NUDCD1: variants seen among roughly 807,000 people sequenced by gnomAD.
The protein encoded by NUDCD1 is NudC domain containing 1, also known as nudC domain-containing protein 1.
In NUDCD1, 60 loss-of-function variants were observed where a neutral mutation model predicts 67.8. The ratio of observed to expected loss-of-function variants is 0.88; its 90% CI spans 0.72 to 1.10. The LOEUF is 1.10. Ranked by LOEUF, NUDCD1 falls within the 50% of genes least tolerant of loss-of-function variation. The pLI is 0.00. For synonymous variants in NUDCD1, 244 were observed against 230.8 expected (o/e 1.06, Z -0.52); for missense variants, 643 against 695.0 (o/e 0.93, Z 0.84).
chr8:109,297,555 C>T (rs1251880588), intron 2 of NUDCD1, among the ~76,000 whole-genome samples: 3 of 152,072 alleles, frequency 2.0e-5, no homozygotes, highest in Non-Finnish European at 2.9e-5. Flanking sequence ...CATGTGAGGA[C>T]GTATTATGCC....
Position 109,242,832 on chromosome 8 carries a change from T to C in NUDCD1, c.*177A>G. ...ATGTTCTCTAAATCTGCAGCTTCAT[T>C]CCACAGCTTTACAGAATCATAATCT... is the stretch of plus-strand genomic sequence containing the variant. On this transcript the variant is annotated 3_prime_UTR_variant, in exon 10 of 10. Transcript: ENST00000239690. 1 of 400,512 alleles carries C rather than the reference T, an allele frequency of 2.5e-6. No individual in the cohort carries two copies. Among genetic ancestry groups the C allele is most frequent in the South Asian group, 6.7e-5 (1 of 14,930 alleles). 24.8% of individuals were successfully genotyped at this position (400,512 alleles called of 1,614,324 possible). A position where few individuals can be genotyped will look rare whatever the true frequency, so the allele number is the denominator to read the frequency against.
chr8:109,298,693 C>T (rs1270216221), intron 2 of NUDCD1: 4 of 152,094 alleles, frequency 2.6e-5, no homozygotes, highest in Non-Finnish European at 5.9e-5. Flanking sequence ...GCCCTTAAAA[C>T]TTAACAAGAA....
At chr8:109,261,169 C>T (rs767020378) in intron 8 of NUDCD1, among the ~76,000 whole-genome samples, 1 of 152,074 alleles carries the variant, frequency 6.6e-6, no homozygotes, top group Non-Finnish European at 1.5e-5. Flanking sequence ...GCCTATATGA[C>T]AGCATGCAAT....
At chr8:109,247,762 G>A (rs562063018) in intron 8 of NUDCD1, among the ~76,000 whole-genome samples, 5 of 152,094 alleles carry the variant, frequency 3.3e-5, no homozygotes, top group South Asian at 2.1e-4. Flanking sequence ...CCCCACTCTC[G>A]TGGTTATATG....
chr8:109,279,789 G>A (rs1038335132), intron 6 of NUDCD1, among the ~76,000 whole-genome samples: 8 of 151,952 alleles, frequency 5.3e-5, no homozygotes, highest in East Asian at 1.9e-4. Flanking sequence ...CCGCCACCAC[G>A]CCCAGCTAAT....
chr8:109,299,078 G>A (rs1030270299), intron 2 of NUDCD1: 1 of 152,494 alleles, frequency 6.6e-6, no homozygotes, highest in African/African-American at 2.4e-5. Context: ...CAGGGGTAGA[G>A]GAAGCAGCAG....
chr8:109,249,374 T>C (rs1393153305), intron 8 of NUDCD1, among the ~76,000 whole-genome samples: 1 of 152,200 alleles, frequency 6.6e-6, no homozygotes, highest in East Asian at 1.9e-4. Flanking sequence ...TCAAGTAATC[T>C]TCCCGTAGCT....
At chr8:109,282,818 A>G (rs1432554600) in intron 5 of NUDCD1, among the ~76,000 whole-genome samples, 2 of 150,928 alleles carry the variant, frequency 1.3e-5, no homozygotes, top group African/African-American at 5.0e-5. Context: ...GTATCCCAGA[A>G]CTTAAAAGTA....
intron 2 of NUDCD1, among the ~76,000 whole-genome samples, chr8:109,306,890 C>G (rs905449995): frequency 1.3e-5 from 2 of 152,162 alleles, no homozygotes; most frequent in Non-Finnish European, 2.9e-5. Context: ...ACTCTATGTT[C>G]CCATGCTGCC....
intron 7 of NUDCD1, 35 bp downstream of exon 7, chr8:109,275,317 C>T: frequency 6.3e-7 from 1 of 1,586,448 alleles, no homozygotes; most frequent in East Asian, 2.2e-5. Flanking sequence ...ATTTTTGGAC[C>T]CTTGGAAAGT....
At position 109,333,877 on chromosome 8, in the gene NUDCD1, C is replaced by A; in HGVS notation, c.118+16G>T. On this transcript the variant is annotated intron_variant, in intron 1 of 9. Coordinates refer to ENST00000239690, the MANE Select transcript of NUDCD1 (RefSeq NM_032869.4). Reference sequence around the variant, plus strand: ...GGGGAAAGGAACGGAGTACGAAGGGCGCCGCCGCTTCCCACCTGCGTCAAG... The same window carrying A: ...GGGGAAAGGAACGGAGTACGAAGGGAGCCGCCGCTTCCCACCTGCGTCAAG... 1 of 1,613,384 alleles carries A rather than the reference C, an allele frequency of 6.2e-7. No homozygotes were observed. Among genetic ancestry groups the A allele is most frequent in the Non-Finnish European group, 8.5e-7 (1 of 1,179,584 alleles).
At chr8:109,302,732 T>C (rs1012871001) in intron 2 of NUDCD1, among the ~76,000 whole-genome samples, 2 of 152,126 alleles carry the variant, frequency 1.3e-5, no homozygotes, top group African/African-American at 4.8e-5. Flanking sequence ...CTCTTTTTCA[T>C]CAAATATGAA....
rs1218384845 is a variant in NUDCD1, at chr8:109,241,764, A to G, written c.*1245T>C. ...AAATACTTGCCCAGACAGGCAAAAG[A>G]TATGTTAGGAACAAAGCTTTTCTAT... On this transcript the variant is annotated 3_prime_UTR_variant, in exon 10 of 10. Coordinates refer to ENST00000239690, the MANE Select transcript of NUDCD1 (RefSeq NM_032869.4). 4.1e-6 allele frequency: 1 copy of G among 242,810 alleles called. No homozygotes were observed. Among genetic ancestry groups the G allele is most frequent in the Non-Finnish European group, 7.8e-6 (1 of 128,614 alleles). The allele number at this position is 242,810 out of a possible 1,614,324, so 15.0% of individuals were successfully genotyped here. A position where few individuals can be genotyped will look rare whatever the true frequency, so the allele number is the denominator to read the frequency against.
chr8:109,331,317 G>C (rs1815799451), intron 1 of NUDCD1, among the ~76,000 whole-genome samples: 1 of 151,836 alleles, frequency 6.6e-6, no homozygotes, highest in Non-Finnish European at 1.5e-5. Context: ...CTCAACGACA[G>C]AGACTCCGTC....
At position 109,242,397 on chromosome 8, in the gene NUDCD1, T is replaced by C. The variant is rs980156437; in HGVS notation, c.*612A>G. On this transcript the variant is annotated 3_prime_UTR_variant, in exon 10 of 10. Transcript: ENST00000239690. ...CACTGAGTTTTGGTGTGGTTTGTTA[T>C]GCAGTGATGGATAATGTGAAATCTT... 3.4e-5 allele frequency: 12 copies of C among 351,672 alleles called. No homozygotes were observed. Among genetic ancestry groups the C allele is most frequent in the African/African-American group, 8.4e-5 (4 of 47,654 alleles). 21.8% of individuals were successfully genotyped at this position (351,672 alleles called of 1,614,324 possible). A position where few individuals can be genotyped will look rare whatever the true frequency, so the allele number is the denominator to read the frequency against.
At chr8:109,325,037 C>G (rs1296713980) in intron 1 of NUDCD1, among the ~76,000 whole-genome samples, 1 of 152,142 alleles carries the variant, frequency 6.6e-6, no homozygotes, top group Non-Finnish European at 1.5e-5. Context: ...TTGCAGTGAG[C>G]CGAGATCGCT....
At chr8:109,273,113 C>T (rs1814197408) in intron 7 of NUDCD1, among the ~76,000 whole-genome samples, 1 of 152,136 alleles carries the variant, frequency 6.6e-6, no homozygotes, top group Non-Finnish European at 1.5e-5. Context: ...TTTCCAAGGA[C>T]CATTTGCTGA....
intron 2 of NUDCD1, among the ~76,000 whole-genome samples, chr8:109,319,727 G>A (rs919507772): frequency 6.6e-6 from 1 of 152,154 alleles, no homozygotes; most frequent in Non-Finnish European, 1.5e-5. Flanking sequence ...AGACAAGGTT[G>A]GAGAAAACTC....
chr8:109,311,326 A>G (rs562190266), intron 2 of NUDCD1, among the ~76,000 whole-genome samples: 2 of 152,246 alleles, frequency 1.3e-5, no homozygotes, highest in African/African-American at 4.8e-5. Flanking sequence ...GCTAGCAGGA[A>G]TGTAAACTAG....
Sources: gnomAD v4.1 joint callset for allele counts (sites outside exome capture counted in the v4.1 genomes callset) on GRCh38, gnomAD v4.1.1 for gene constraint, MANE v1.5 for transcripts, NCBI Gene and HGNC (gene_info 2026-07-23, HGNC 2026-07-21) for gene names.